Variants in PKHD1 observed in about 807,000 individuals in gnomAD.
PKHD1 encodes PKHD1 ciliary IPT domain containing fibrocystin/polyductin.
In PKHD1, 291 loss-of-function variants were observed where a neutral mutation model predicts 412.0. That is an observed-to-expected ratio of 0.71 (90% confidence interval 0.64 to 0.78). The LOEUF is 0.78. PKHD1 is among the 30% of genes least tolerant of loss of function. The pLI is 0.00. For missense variants in PKHD1, 4,825 were observed against 4,950.7 expected (o/e 0.97, Z 0.76); for synonymous variants, 1,777 against 1,821.5 (o/e 0.98, Z 0.62).
Position 51,748,345 on chromosome 6 carries a change from G to T in PKHD1, c.9271C>A (p.Leu3091Ile). ...IKVNQVKDIN[L>I]HGNVVAGSER... The stretch of plus-strand genomic sequence containing the variant: ...GATCCTGCCACAACGTTGCCATGGA[G>T]GTTGATGTCCTTTACCTGGTTCACT... The change falls in exon 58 of 67, where the codon CTC becomes ATC. Residue 3091 changes from leucine (L) to isoleucine (I), a missense_variant. Transcript: ENST00000371117. 6.2e-7 allele frequency: 1 copy of T among 1,614,068 alleles called. No individual in the cohort carries two copies. Among genetic ancestry groups the T allele is most frequent in the Non-Finnish European group, 8.5e-7 (1 of 1,179,962 alleles).
At chr6:51,769,386 G>T (rs541407563) in intron 55 of PKHD1, among the ~76,000 whole-genome samples, 1 of 150,960 alleles carries the variant, frequency 6.6e-6, no homozygotes, top group Non-Finnish European at 1.5e-5. Flanking sequence ...CTAAATTATC[G>T]TTAAAAATTC....
Position 51,804,030 on chromosome 6 carries a change from G to C in PKHD1, c.8303-12657C>G, listed in dbSNP as rs761450759. Among the ~76,000 whole-genome samples the C allele has an allele frequency of 6.6e-5, 10 of 151,418 alleles. 1 individual carries two copies. Among genetic ancestry groups the C allele is most frequent in the Non-Finnish European group, 1.0e-4 (7 of 68,022 alleles). ...GAAATTGATGGGATGAGTTTTGGAA[G>C]AACAAAGAAGTAGATGTGAAGTCCT... On this transcript the variant is annotated intron_variant, in intron 52 of 66. Transcript: ENST00000371117.
At chr6:52,045,481 C>T (rs1219949944) in intron 24 of PKHD1, among the ~76,000 whole-genome samples, 4 of 152,166 alleles carry the variant, frequency 2.6e-5, no homozygotes, top group African/African-American at 7.2e-5. Context: ...TCTAGAATTT[C>T]GATTGAAAAC....
Position 52,024,846 on chromosome 6 carries a change from G to A in PKHD1, c.4964C>T (p.Ala1655Val). The change falls in exon 32 of 67, where the codon GCC becomes GTC. Residue 1655 changes from alanine (A) to valine (V), a missense_variant. Ala to Val is a moderately conservative substitution (Grantham distance 64). Coordinates refer to ENST00000371117, the MANE Select transcript of PKHD1 (RefSeq NM_138694.4). ...YHIGVIGYNK[A>V]FTPELISISQ... Reference sequence around the variant, plus strand: ...AATAGAGATCAATTCTGGGGTAAAGGCCTTGTTATAACCAATGACTCCTAT... The same window carrying A: ...AATAGAGATCAATTCTGGGGTAAAGACCTTGTTATAACCAATGACTCCTAT... 1 of 1,614,138 alleles carries A rather than the reference G, an allele frequency of 6.2e-7. No individual in the cohort carries two copies. The highest frequency in any genetic ancestry group is 8.5e-7 in the Non-Finnish European group (1 of 1,180,028).
At chr6:52,064,094 A>G (rs1022041681) in intron 13 of PKHD1, among the ~76,000 whole-genome samples, 2 of 152,230 alleles carry the variant, frequency 1.3e-5, no homozygotes, top group African/African-American at 4.8e-5. Flanking sequence ...AAAACTTTGC[A>G]TGCATTTTCA....
chr6:52,026,076 G>T lies in PKHD1; in HGVS notation c.3734C>A (p.Ala1245Glu), dbSNP rs140815495. ...RSCDIVNLTE[A>E]SIWCETLPAP... Reference sequence around the variant, plus strand: ...TGGCAGGGTTTCACACCAGATGCTCGCCTCCGTTAAGTTCACAATGTCACA... The same window carrying T: ...TGGCAGGGTTTCACACCAGATGCTCTCCTCCGTTAAGTTCACAATGTCACA... The change falls in exon 32 of 67, where the codon GCG becomes GAG. Residue 1245 changes from alanine (A) to glutamate (E), a missense_variant. By Grantham distance (107) the Ala-to-Glu change is moderately radical. Transcript: ENST00000371117. 61 of 1,613,984 alleles carry T rather than the reference G, an allele frequency of 3.8e-5. No homozygotes were observed. The highest frequency in any genetic ancestry group is 5.0e-5 in the Non-Finnish European group (59 of 1,180,026).
At chr6:51,792,088 A>G (rs1002159192) in intron 52 of PKHD1, among the ~76,000 whole-genome samples, 2 of 152,176 alleles carry the variant, frequency 1.3e-5, no homozygotes, top group African/African-American at 4.8e-5. Context: ...ACAATTTAAA[A>G]TCATTATATT....
Position 52,033,171 on chromosome 6 carries a change from A to G in PKHD1, c.3229-6T>C. 1 of 1,611,276 alleles carries G rather than the reference A, an allele frequency of 6.2e-7. No individual in the cohort carries two copies. The highest frequency in any genetic ancestry group is 8.5e-7 in the Non-Finnish European group (1 of 1,177,790). On this transcript the variant is annotated splice_region_variant and splice_polypyrimidine_tract_variant and intron_variant, in intron 28 of 66. Coordinates refer to ENST00000371117, the MANE Select transcript of PKHD1 (RefSeq NM_138694.4). ...ACAATGCGTCCATCTTTCCCCTGAA[A>G]AATCAATTTTAAAAATTAAACCTCA...
intron 50 of PKHD1, among the ~76,000 whole-genome samples, chr6:51,846,581 G>T (rs1399327966): frequency 6.6e-6 from 1 of 152,212 alleles, no homozygotes; most frequent in East Asian, 1.9e-4. Flanking sequence ...ACATGGTATA[G>T]AAAAGGAATA....
intron 37 of PKHD1, among the ~76,000 whole-genome samples, chr6:51,920,646 TA>T (rs1173729235): frequency 6.6e-6 from 1 of 152,216 alleles, no homozygotes; most frequent in African/African-American, 2.4e-5. Context: ...TAAAATGAGT[TA>T]GGGAGGATTC....
At chr6:51,681,164 T>C (rs1776606757) in intron 60 of PKHD1, among the ~76,000 whole-genome samples, 1 of 152,056 alleles carries the variant, frequency 6.6e-6, no homozygotes, top group African/African-American at 2.4e-5. Context: ...AATGACTTTT[T>C]CCCCAAGGCA....
intron 45 of PKHD1, among the ~76,000 whole-genome samples, chr6:51,883,855 T>A (rs973891365): frequency 6.6e-6 from 1 of 152,148 alleles, no homozygotes; most frequent in Non-Finnish European, 1.5e-5. Flanking sequence ...ATGAATGGAT[T>A]AGTGCTGATT....
chr6:51,818,467 A>C (rs1765838123), intron 52 of PKHD1, among the ~76,000 whole-genome samples: 1 of 152,184 alleles, frequency 6.6e-6, no homozygotes, highest in Non-Finnish European at 1.5e-5. Flanking sequence ...GGGAATCCAG[A>C]GGCCTAGATT....
At chr6:51,860,490 A>G (rs1774009625) in intron 48 of PKHD1, among the ~76,000 whole-genome samples, 1 of 152,124 alleles carries the variant, frequency 6.6e-6, no homozygotes, top group African/African-American at 2.4e-5. Context: ...ATAGCCACCA[A>G]TCTCCCACTC....
intron 51 of PKHD1, among the ~76,000 whole-genome samples, chr6:51,834,009 A>G (rs79506779): frequency 0.054 from 8,193 of 152,210 alleles, 236 homozygotes; most frequent in South Asian, 0.074. Context: ...AGGTAGTCTC[A>G]AGTCTAATAC....
intron 60 of PKHD1, among the ~76,000 whole-genome samples, chr6:51,730,736 T>A (rs532034480): frequency 4.6e-5 from 7 of 152,226 alleles, no homozygotes; most frequent in Non-Finnish European, 8.8e-5. Context: ...TGGTTTGGTA[T>A]CTATTGGCAA....
chr6:51,707,684 A>T (rs781073207), intron 60 of PKHD1, among the ~76,000 whole-genome samples: 3 of 152,046 alleles, frequency 2.0e-5, no homozygotes, highest in African/African-American at 4.8e-5. Flanking sequence ...TTCCCGTCTG[A>T]CTTCCAGCCA....
intron 66 of PKHD1, among the ~76,000 whole-genome samples, chr6:51,620,837 T>TA (rs376564367): frequency 1.3e-5 from 2 of 149,670 alleles, no homozygotes; most frequent in South Asian, 2.1e-4. Flanking sequence ...TTTAGAGCAG[T>TA]AAAAAAAGAT....
At chr6:52,000,192 T>C (rs1485973902) in intron 35 of PKHD1, among the ~76,000 whole-genome samples, 4 of 152,206 alleles carry the variant, frequency 2.6e-5, no homozygotes, top group Non-Finnish European at 2.9e-5. Context: ...GGTCGAGAAA[T>C]AGCAACTTGA....
Sources: gnomAD v4.1 joint callset for allele counts (sites outside exome capture counted in the v4.1 genomes callset) on GRCh38, gnomAD v4.1.1 for gene constraint, MANE v1.5 for transcripts, NCBI Gene and HGNC (gene_info 2026-07-23, HGNC 2026-07-21) for gene names.